Variants in RASAL1 observed in about 807,000 individuals in gnomAD.
RASAL1 encodes RAS protein activator like 1.
In RASAL1, 72 loss-of-function variants were observed where a neutral mutation model predicts 96.6. The ratio of observed to expected loss-of-function variants is 0.75; its 90% confidence interval spans 0.62 to 0.91. RASAL1 has a LOEUF of 0.91. Ranked by LOEUF, RASAL1 falls within the 40% of genes least tolerant of loss-of-function variation. The pLI, the probability that RASAL1 is intolerant of heterozygous loss-of-function variation, is 0.00. For missense variants in RASAL1, 1,016 were observed against 1,072.5 expected, an observed-to-expected ratio of 0.95 and a Z score of 0.74; for synonymous variants, 405 against 430.4, an observed-to-expected ratio of 0.94 and a Z score of 0.73.
Position 113,108,126 on chromosome 12 carries a change from C to T in RASAL1, c.1471G>A (p.Ala491Thr), listed in dbSNP as rs762631941. 33 of 1,613,602 alleles carry T rather than the reference C, an allele frequency of 2.0e-5. No individual in the cohort carries two copies. The highest frequency in any genetic ancestry group is 2.7e-5 in the Non-Finnish European group (32 of 1,179,870). ...AGTGAGCGGCTAGTCTGGGGGTCCG[C>T]GTGTTGGTCCCGAAGGTCAAACAGC... ...PKLFDLRDQH[A>T]DPQTSRSLLL... Residue 491 changes from alanine to threonine, a missense_variant, in exon 14 of 21, where the codon GCG becomes ACG. Transcript: ENST00000548055.
chr12:113,103,649 G>T (rs1950540548), intron 18 of RASAL1: 2 of 491,204 alleles, frequency 4.1e-6, no homozygotes, highest in Non-Finnish European at 7.2e-6. Flanking sequence ...TCTTTCTTGA[G>T]AACAAGCTCA....
chr12:113,112,061 G>A (rs1950881666), intron 13 of RASAL1, 25 bp downstream of exon 13: 2 of 1,235,934 alleles, frequency 1.6e-6, no homozygotes, highest in Admixed American at 4.2e-5. Context: ...CCTGTCCCCA[G>A]CCTCAGCCTC....
chr12:113,128,784 TCCAGACA>T (rs1007505487), intron 2 of RASAL1, among the ~76,000 whole-genome samples: 1 of 151,886 alleles, frequency 6.6e-6, no homozygotes, highest in Non-Finnish European at 1.5e-5. Context: ...TGTTTGGAAA[TCCAGACA>T]CCAGACACAT....
At chr12:113,117,019 G>T in intron 8 of RASAL1, 54 bp downstream of exon 8, 1 of 1,421,062 alleles carries the variant, frequency 7.0e-7, no homozygotes, top group South Asian at 1.3e-5. Context: ...GCAAGCTGTG[G>T]ATGCTGCCCG....
At position 113,115,562 on chromosome 12, in the gene RASAL1, A is replaced by G; in HGVS notation, c.1003+73T>C. On this transcript the variant is annotated intron_variant, in intron 10 of 20. Transcript: ENST00000548055. This position sits in a 1 kb window ranked among gnomAD's most constrained non-coding sequence, Gnocchi z 4.1. The stretch of plus-strand genomic sequence containing the variant: ...TTTTCCCTCTGCCTGAGGCCTCCCC[A>G]TTCCTCCCCCAGGACCCTCCTGCAA... The G allele has an allele frequency of 6.4e-7, 1 of 1,553,780 alleles. No individual in the cohort carries two copies. Among genetic ancestry groups the G allele is most frequent in the Non-Finnish European group, 8.7e-7 (1 of 1,148,454 alleles).
In RASAL1 at chr12:113,099,575, G is replaced by C. The variant is rs1950372208; in HGVS notation, c.*354C>G. 1 of 201,400 alleles carries C rather than the reference G, an allele frequency of 5.0e-6. No individual in the cohort carries two copies. The highest frequency in any genetic ancestry group is 1.8e-4 in the South Asian group (1 of 5,432). 12.5% of individuals were successfully genotyped at this position (201,400 alleles called of 1,614,324 possible). A position where few individuals can be genotyped will look rare whatever the true frequency, so the allele number is the denominator to read the frequency against. ...CATCACATGGGCATCAGGAATTCAG[G>C]TCCAGCTGTATCCAGCAGCTCAGGG... On this transcript the variant is annotated 3_prime_UTR_variant, in exon 21 of 21. Coordinates refer to ENST00000548055, the MANE Select transcript of RASAL1 (RefSeq NM_001301202.2).
At position 113,116,024 on chromosome 12, in the gene RASAL1, C is replaced by T. The variant is rs1233267952; in HGVS notation, c.759G>A (p.Lys253=). Residue 253 remains lysine, a synonymous_variant, in exon 9 of 21, where the codon AAG becomes AAA. Transcript: ENST00000548055. ...SGGNLGALRV[K]VRLIEDRVLP... Reference sequence around the variant, plus strand: ...GGACGCGGTCCTCAATCAGGCGTACCTTCACTCGCAGGGCACCCAGGTTCC... The same window carrying T: ...GGACGCGGTCCTCAATCAGGCGTACTTTCACTCGCAGGGCACCCAGGTTCC... 6.2e-7 allele frequency: 1 copy of T among 1,602,176 alleles called. No individual in the cohort carries two copies. The highest frequency in any genetic ancestry group is 8.5e-7 in the Non-Finnish European group (1 of 1,174,504).
At chr12:113,118,439 C>G (rs1951168203) in intron 7 of RASAL1, among the ~76,000 whole-genome samples, 1 of 152,012 alleles carries the variant, frequency 6.6e-6, no homozygotes, top group Non-Finnish European at 1.5e-5. Flanking sequence ...CCATTTTGGG[C>G]TGTTATGACT....
At chr12:113,103,605 C>G (rs76484307) in intron 18 of RASAL1, among the ~76,000 whole-genome samples, 1 of 134,560 alleles carries the variant, frequency 7.4e-6, no homozygotes, top group East Asian at 2.1e-4. Flanking sequence ...GACTCTGTCT[C>G]AAAAAAAAAA....
In RASAL1 at chr12:113,103,939, C is replaced by G; in HGVS notation, c.2104+7G>C. ...GGCGGAGCCTGCAGTCCGCCCTGCC[C>G]CCTCACCTGAGCGCTCAGCCTGGAG... is the stretch of plus-strand genomic sequence containing the variant. On this transcript the variant is annotated splice_region_variant and intron_variant, in intron 18 of 20. Transcript: ENST00000548055. 1.3e-6 allele frequency: 2 copies of G among 1,552,032 alleles called. No homozygotes were observed. Among genetic ancestry groups the G allele is most frequent in the Non-Finnish European group, 1.7e-6 (2 of 1,151,608 alleles).
chr12:113,112,954 A>AAATAAAT (rs1950925856), intron 12 of RASAL1, among the ~76,000 whole-genome samples: 13 of 149,498 alleles, frequency 8.7e-5, no homozygotes, highest in South Asian at 2.1e-4. Context: ...TCCATCTCAA[A>AAATAAAT]AAATAAATAA....
intron 20 of RASAL1, 45 bp from the exon 21 acceptor site, chr12:113,100,113 C>A (rs1592868391): frequency 6.5e-7 from 1 of 1,532,222 alleles, no homozygotes. Flanking sequence ...CAGTCCAGGG[C>A]AGGCTGCTGT....
At chr12:113,116,095 C>T (rs36067474) in intron 8 of RASAL1, 44 bp from the exon 9 acceptor site, 37,402 of 1,475,730 alleles carry the variant, frequency 0.025, 728 homozygotes, top group South Asian at 0.064. Context: ...TCTGGCCGAA[C>T]ACGATGGCTC....
At position 113,127,883 on chromosome 12, in the gene RASAL1, G is replaced by A. The variant is rs1226390807; in HGVS notation, c.237-10C>T. 1 of 1,612,914 alleles carries A rather than the reference G, an allele frequency of 6.2e-7. No individual in the cohort carries two copies. Among genetic ancestry groups the A allele is most frequent in the Admixed American group, 1.7e-5 (1 of 59,998 alleles). ...GATGATGTCGTCGTGCCTGCAGGAAGGCGGGCACGTGAAGGTCTGAGTCAG... is the reference window on the plus strand; with the variant it reads ...GATGATGTCGTCGTGCCTGCAGGAAAGCGGGCACGTGAAGGTCTGAGTCAG... On this transcript the variant is annotated splice_polypyrimidine_tract_variant and intron_variant, in intron 3 of 20. Transcript: ENST00000548055.
chr12:113,111,987 G>A (rs1950878763), intron 13 of RASAL1, 99 bp downstream of exon 13: 2 of 1,072,336 alleles, frequency 1.9e-6, no homozygotes, highest in African/African-American at 1.6e-5. Flanking sequence ...CTCTAGTGCC[G>A]GCAGCCTAGG....
At chr12:113,116,194 G>A in intron 8 of RASAL1, 143 bp from the exon 9 acceptor site, 5 of 574,466 alleles carry the variant, frequency 8.7e-6, no homozygotes, top group Non-Finnish European at 1.5e-5. Context: ...ACATGGTGAA[G>A]CCCCATCTCT....
At position 113,121,725 on chromosome 12, in the gene RASAL1, CAT is replaced by C. The variant is rs1491241391; in HGVS notation, c.299-89_299-88del. 8 of 1,422,204 alleles carry C rather than the reference CAT, an allele frequency of 5.6e-6. No individual in the cohort carries two copies. In the African/African-American group the frequency reaches 1.2e-4, roughly 21 times the overall value. 88.1% of individuals were successfully genotyped at this position (1,422,204 alleles called of 1,614,324 possible). Reference sequence around the variant, plus strand: ...TTAAAAATTCAATTAACATTATTTTCATTTTTTTTTTTTTGACACAGGGTCTG... The same window carrying C: ...TTAAAAATTCAATTAACATTATTTTCTTTTTTTTTTTTGACACAGGGTCTG... On this transcript the variant is annotated intron_variant, in intron 4 of 20. Coordinates refer to ENST00000548055, the MANE Select transcript of RASAL1 (RefSeq NM_001301202.2).
rs755068803 is a variant in RASAL1 at position 113,119,352 on chromosome 12, C to T, written c.510+10G>A. ...CCCACTCCTTCCTGGCTTCATTCCCCACCACTCACTGAGGTCTCCAAGCTC... is the reference window on the plus strand; with the variant it reads ...CCCACTCCTTCCTGGCTTCATTCCCTACCACTCACTGAGGTCTCCAAGCTC... On this transcript the variant is annotated intron_variant, in intron 6 of 20. Transcript: ENST00000548055. 52 of 1,613,064 alleles carry T rather than the reference C, an allele frequency of 3.2e-5. No homozygotes were observed. In the Admixed American group the frequency reaches 7.5e-4, roughly 23 times the overall value.
chr12:113,126,688 T>TCACACACACACACACA, intron 4 of RASAL1, among the ~76,000 whole-genome samples: 1 of 139,014 alleles, frequency 7.2e-6, no homozygotes, highest in East Asian at 2.1e-4. Context: ...TCTCTCTCTC[T>TCACACACACACACACA]CACACACACA....
Sources: allele counts gnomAD v4.1 joint callset (sites outside exome capture counted in the v4.1 genomes callset), GRCh38; gene constraint gnomAD v4.1.1; non-coding constraint Gnocchi (gnomAD v3.1); transcripts MANE v1.5; gene names NCBI Gene and HGNC (gene_info 2026-07-23, HGNC 2026-07-21).